The following MRE11 variants were observed in gnomAD, a reference collection of about 807,000 sequenced individuals.
MRE11 encodes the protein double-strand break repair protein MRE11.
A neutral mutation model predicts 91.7 loss-of-function variants in MRE11; 62 were observed. That is an observed-to-expected ratio of 0.68 (90% CI 0.55 to 0.84). The LOEUF is 0.84. Among genes scored for constraint, MRE11 ranks in the 40% least tolerant of loss-of-function variants. MRE11 has a pLI of 0.00. For synonymous variants in MRE11, 273 were observed against 271.4 expected (o/e 1.01, Z -0.06); for missense variants, 796 against 852.9 (o/e 0.93, Z 0.83).
chr11:94,484,776 T>C (rs1178733082), intron 4 of MRE11, among the ~76,000 whole-genome samples: 1 of 152,144 alleles, frequency 6.6e-6, no homozygotes, highest in Non-Finnish European at 1.5e-5. Context: ...AAATACCAAA[T>C]TGAGGGACGT....
intron 11 of MRE11, among the ~76,000 whole-genome samples, chr11:94,461,729 G>A (rs1357867921): frequency 6.6e-6 from 1 of 152,174 alleles, no homozygotes; most frequent in Non-Finnish European, 1.5e-5. Context: ...CATCGTCTCA[G>A]CCCAAAATCT....
chr11:94,470,337 G>T, intron 9 of MRE11, 134 bp downstream of exon 9: 1 of 877,188 alleles, frequency 1.1e-6, no homozygotes, highest in Non-Finnish European at 1.8e-6. Context: ...ATTCACTGAA[G>T]AACAGTGTCC....
chr11:94,503,074 T>C, the MRE11 span, among the ~76,000 whole-genome samples: 1 of 152,254 alleles, frequency 6.6e-6, no homozygotes. Flanking sequence ...AGATCTGCCC[T>C]GTTAAAACTT....
chr11:94,447,076 G>A lies in MRE11; in HGVS notation c.1783+143C>T, dbSNP rs558367460. 59 of 885,218 alleles carry A rather than the reference G, an allele frequency of 6.7e-5. No individual in the cohort carries two copies. In the South Asian group the frequency reaches 8.7e-4, roughly 13 times the overall value. The allele number at this position is 885,218 out of a possible 1,614,324, so 54.8% of individuals were successfully genotyped here. On this transcript the variant is annotated intron_variant, in intron 15 of 19. Coordinates refer to ENST00000323929, the MANE Select transcript of MRE11 (RefSeq NM_005591.4). ...ACATGTCAGAACTGCCTTAAAGACT[G>A]TCTTTATATATTATAAAAATAGATT...
intron 9 of MRE11, among the ~76,000 whole-genome samples, chr11:94,469,873 G>A (rs1488473785): frequency 6.6e-6 from 1 of 152,158 alleles, no homozygotes; most frequent in Non-Finnish European, 1.5e-5. Context: ...GCGTCAGCAA[G>A]TGATGCTAAT....
the MRE11 span, among the ~76,000 whole-genome samples, chr11:94,510,029 G>A: frequency 6.6e-6 from 1 of 152,156 alleles, no homozygotes; most frequent in East Asian, 1.9e-4. Context: ...AGATGAGTTG[G>A]GAAGTGTTAA....
intron 18 of MRE11, among the ~76,000 whole-genome samples, chr11:94,431,563 A>T (rs1945462497): frequency 6.6e-6 from 1 of 152,252 alleles, no homozygotes. Flanking sequence ...CAGAGAAGTT[A>T]GTTACCATAC....
intron 3 of MRE11, among the ~76,000 whole-genome samples, chr11:94,489,153 T>A (rs577790791): frequency 2.6e-5 from 4 of 151,848 alleles, no homozygotes; most frequent in African/African-American, 9.7e-5. Flanking sequence ...AAAAATATGC[T>A]ATGAAAAAAA....
chr11:94,474,794 C>T (rs1946809540), intron 7 of MRE11, among the ~76,000 whole-genome samples: 1 of 152,140 alleles, frequency 6.6e-6, no homozygotes, highest in Non-Finnish European at 1.5e-5. Flanking sequence ...CTTACCAATG[C>T]TGCTATTCTA....
chr11:94,438,518 A>G (rs1945686268), intron 16 of MRE11, among the ~76,000 whole-genome samples: 1 of 152,234 alleles, frequency 6.6e-6, no homozygotes, highest in Admixed American at 6.5e-5. Flanking sequence ...AACTGAATAA[A>G]AAATCCAGTG....
intron 14 of MRE11, among the ~76,000 whole-genome samples, chr11:94,450,406 G>A (rs961658945): frequency 1.3e-5 from 2 of 152,086 alleles, no homozygotes; most frequent in Non-Finnish European, 2.9e-5. Context: ...TAATAAGATA[G>A]ATCTAATTGA....
At position 94,424,878 on chromosome 11, in the gene MRE11, T is replaced by C. The variant is rs76697974; in HGVS notation, c.2071-4697A>G. On this transcript the variant is annotated intron_variant, in intron 19 of 19. Transcript: ENST00000323929. ...GTAAAGAGGCAAAACCTATGACTCA[T>C]TGGCATTCCTGAGAGAGAAGAGAGA... Among the ~76,000 whole-genome samples the C allele has an allele frequency of 7.9e-3, 1,205 of 152,170 alleles. 16 individuals carry two copies. The highest frequency in any genetic ancestry group is 0.028 in the African/African-American group (1,150 of 41,530).
intron 18 of MRE11, among the ~76,000 whole-genome samples, chr11:94,435,526 A>G (rs553007785): frequency 6.6e-6 from 1 of 152,344 alleles, no homozygotes; most frequent in East Asian, 1.9e-4. Context: ...ACTGCACTCC[A>G]GTCTAGGCGA....
intron 19 of MRE11, among the ~76,000 whole-genome samples, chr11:94,421,176 A>G (rs1945161561): frequency 6.6e-6 from 1 of 152,252 alleles, no homozygotes; most frequent in Non-Finnish European, 1.5e-5. Context: ...TAATTTTATG[A>G]AGATAAAACC....
intron 18 of MRE11, among the ~76,000 whole-genome samples, chr11:94,430,842 T>C (rs1261896475): frequency 6.6e-6 from 1 of 152,236 alleles, no homozygotes; most frequent in Non-Finnish European, 1.5e-5. Context: ...TAAGTCACTT[T>C]AGATCGGGGC....
intron 16 of MRE11, among the ~76,000 whole-genome samples, chr11:94,437,617 C>T (rs1375044203): frequency 6.6e-6 from 1 of 152,188 alleles, no homozygotes; most frequent in Non-Finnish European, 1.5e-5. Context: ...CCTGTTGCTA[C>T]ATTAGGAGCC....
intron 10 of MRE11, among the ~76,000 whole-genome samples, chr11:94,464,969 C>G (rs1463444809): frequency 1.3e-5 from 2 of 151,622 alleles, no homozygotes; most frequent in African/African-American, 4.8e-5. Flanking sequence ...CACTCATCAT[C>G]ACTATCTGCT....
At chr11:94,434,469 A>T (rs1170272227) in intron 18 of MRE11, among the ~76,000 whole-genome samples, 4 of 152,174 alleles carry the variant, frequency 2.6e-5, no homozygotes, top group African/African-American at 9.7e-5. Flanking sequence ...CATCTAAGTT[A>T]CTTAATTCTT....
intron 8 of MRE11, 65 bp downstream of exon 8, chr11:94,471,509 T>C (rs1946709767): frequency 2.7e-6 from 4 of 1,506,206 alleles, no homozygotes; most frequent in Admixed American, 3.4e-5. Context: ...GCCTTAAACC[T>C]ATGAGATGAT....
Sources: gnomAD v4.1 joint callset for allele counts (sites outside exome capture counted in the v4.1 genomes callset) on GRCh38, gnomAD v4.1.1 for gene constraint, MANE v1.5 for transcripts, NCBI Gene and HGNC (gene_info 2026-07-23, HGNC 2026-07-21) for gene names.